Variants in ZFYVE9 observed in about 807,000 individuals in gnomAD.
The protein encoded by ZFYVE9 is zinc finger FYVE-type containing 9, also known as zinc finger FYVE domain-containing protein 9.
In ZFYVE9, 43 loss-of-function variants were observed where a neutral mutation model predicts 126.7. The ratio of observed to expected loss-of-function variants is 0.34; its 90% CI spans 0.27 to 0.44. The LOEUF (loss-of-function observed/expected upper bound fraction) is 0.44, where lower values mean the gene tolerates loss of function less well. Among genes scored for constraint, ZFYVE9 ranks in the 20% least tolerant of loss-of-function variants. The pLI is 1.00. For missense variants in ZFYVE9, 1,476 were observed against 1,697.0 expected, an observed-to-expected ratio of 0.87 and a Z score of 2.29; for synonymous variants, 521 against 597.4, an observed-to-expected ratio of 0.87 and a Z score of 1.87.
intron 1 of ZFYVE9, among the ~76,000 whole-genome samples, chr1:52,188,243 C>T (rs935610554): frequency 7.3e-6 from 1 of 137,040 alleles, no homozygotes; most frequent in African/African-American, 2.7e-5. Context: ...CCGTATACCA[C>T]GTGTTCTTAC....
At chr1:52,175,970 T>C (rs950634597) in intron 1 of ZFYVE9, among the ~76,000 whole-genome samples, 2 of 152,364 alleles carry the variant, frequency 1.3e-5, no homozygotes, top group Admixed American at 6.5e-5. Flanking sequence ...AGTAGTTTGA[T>C]CGTCTGAAGC....
chr1:52,276,363 G>A (rs1645748735), intron 8 of ZFYVE9, among the ~76,000 whole-genome samples: 1 of 152,048 alleles, frequency 6.6e-6, no homozygotes, highest in Non-Finnish European at 1.5e-5. Context: ...TTCTTGTGCT[G>A]TGGAATAATG....
Position 52,295,960 on chromosome 1 carries a change from A to G in ZFYVE9, c.3316A>G (p.Ile1106Val), listed in dbSNP as rs150653407. ...KPLFGETGHT[I>V]MNLLADFRNY... is the part of the protein sequence containing the mutation. ...ATTGTTTGGAGAGACGGGGCATACC[A>G]TCATGAATCTTCTTGCAGTAAGTTG... The change falls in exon 12 of 19, where the codon ATC (isoleucine) becomes GTC (valine). Residue 1106 changes from isoleucine (I) to valine (V), a missense_variant. Around this residue, in one of 2 missense-constraint regions of ZFYVE9, gnomAD observed 669 missense variants for 902.4 expected, o/e 0.74. Coordinates refer to ENST00000287727, the MANE Select transcript of ZFYVE9 (RefSeq NM_004799.4). The G allele has an allele frequency of 3.7e-5, 59 of 1,613,532 alleles. No individual in the cohort carries two copies. In the African/African-American group the frequency reaches 7.1e-4, roughly 19 times the overall value.
chr1:52,293,372 G>A (rs768661067), intron 10 of ZFYVE9, 81 bp from the exon 11 acceptor site: 264 of 1,005,772 alleles, frequency 2.6e-4, no homozygotes, highest in Non-Finnish European at 3.0e-4. Context: ...GCCAGACTCC[G>A]TCTCAAAAAA....
Position 52,142,142 on chromosome 1 carries a change from C to T in ZFYVE9, c.-404C>T, listed in dbSNP as rs1024688080. On this transcript the variant is annotated 5_prime_UTR_variant, in exon 1 of 19. Coordinates refer to ENST00000287727, the MANE Select transcript of ZFYVE9 (RefSeq NM_004799.4). This position sits in a 1 kb window ranked among gnomAD's most constrained non-coding sequence, Gnocchi z 4.5. Reference sequence around the variant, plus strand: ...CCCCGCCTGCCGCACCTCGGTCGTCCCGCCGCAGCCTTGCGCCCCCGGCCC... The same window carrying T: ...CCCCGCCTGCCGCACCTCGGTCGTCTCGCCGCAGCCTTGCGCCCCCGGCCC... The T allele has an allele frequency of 1.3e-5, 2 of 151,452 alleles. No homozygotes were observed. The highest frequency in any genetic ancestry group is 3.9e-4 in the East Asian group (2 of 5,162). The allele number at this position is 151,452 out of a possible 1,614,324, so 9.4% of individuals were successfully genotyped here. A position where few individuals can be genotyped will look rare whatever the true frequency, so the allele number is the denominator to read the frequency against.
chr1:52,333,266 C>G (rs1646359623), intron 14 of ZFYVE9, among the ~76,000 whole-genome samples: 1 of 150,214 alleles, frequency 6.7e-6, no homozygotes, highest in Non-Finnish European at 1.5e-5. Context: ...GCACATGTAC[C>G]CTAGAACTTA....
chr1:52,158,474 C>CA (rs1644423496), intron 1 of ZFYVE9, among the ~76,000 whole-genome samples: 1 of 152,198 alleles, frequency 6.6e-6, no homozygotes, highest in Admixed American at 6.5e-5. Flanking sequence ...CCTGAAGACT[C>CA]AGAGTTCAAA....
chr1:52,168,214 CTTTTTTTTT>C (rs139943554), intron 1 of ZFYVE9, among the ~76,000 whole-genome samples: 2 of 114,986 alleles, frequency 1.7e-5, no homozygotes, highest in Admixed American at 9.2e-5. Context: ...TCTTCGTCTT[CTTTTTTTTT>C]TTTTTTTTTT....
intron 1 of ZFYVE9, chr1:52,180,308 T>C (rs1644685494): frequency 6.3e-7 from 1 of 1,586,542 alleles, no homozygotes; most frequent in South Asian, 1.1e-5. Flanking sequence ...TACCCAGTTA[T>C]CCTGATAGGA....
At chr1:52,180,373 G>C in intron 1 of ZFYVE9, 1 of 1,540,498 alleles carries the variant, frequency 6.5e-7, no homozygotes, top group Non-Finnish European at 8.9e-7. Context: ...CAGTTTATTG[G>C]TCCTCTGGTG....
chr1:52,342,704 T>G (rs1373021853), intron 17 of ZFYVE9, among the ~76,000 whole-genome samples: 1 of 151,946 alleles, frequency 6.6e-6, no homozygotes, highest in Non-Finnish European at 1.5e-5. Context: ...CCCAGCTAAC[T>G]TTTGTATTTT....
rs567098309 is a variant in ZFYVE9, at chr1:52,327,375, G to A, written c.3439-5393G>A. On this transcript the variant is annotated intron_variant, in intron 13 of 18. Transcript: ENST00000287727. ...TCCTAGCACTTTGGGAGGCTGAGTC[G>A]GGCAGATCACAAGGTCAGGAGTTCG... Among the ~76,000 whole-genome samples, 6 of 152,006 alleles carry A rather than the reference G, an allele frequency of 3.9e-5. No homozygotes were observed. The East Asian group carries it at 7.8e-4, about 20-fold the overall frequency.
intron 1 of ZFYVE9, chr1:52,179,773 G>A (rs1644680013): frequency 1.1e-5 from 5 of 462,574 alleles, no homozygotes; most frequent in Non-Finnish European, 2.0e-5. Context: ...GAGTGTTCCT[G>A]TGGATAGGCT....
chr1:52,254,286 TTATATA>T (rs1011873321), intron 4 of ZFYVE9: 1 of 174,774 alleles, frequency 5.7e-6, no homozygotes, highest in Non-Finnish European at 1.2e-5. Context: ...ATTTGCAACT[TTATATA>T]TATTTAAAAA....
intron 4 of ZFYVE9, among the ~76,000 whole-genome samples, chr1:52,255,759 G>A (rs543458283): frequency 1.8e-3 from 266 of 151,968 alleles, no homozygotes; most frequent in Non-Finnish European, 3.0e-3. Context: ...TGGGTATTGC[G>A]GCGCGTACCT....
chr1:52,268,341 G>A, intron 6 of ZFYVE9, 122 bp from the exon 7 acceptor site: 1 of 965,724 alleles, frequency 1.0e-6, no homozygotes, highest in South Asian at 1.8e-5. Context: ...TGATGTTTCT[G>A]ATTGTAAGTT....
rs368539532 is a variant in ZFYVE9, at chr1:52,177,943, TG to T, written c.-143+35541del. Reference sequence around the variant, plus strand: ...CTTCATATACTATGAAAAGTAGTTTTGTTTTTTTTTTTTTTAGCAGGGCATG... The same window carrying T: ...CTTCATATACTATGAAAAGTAGTTTTTTTTTTTTTTTTTTAGCAGGGCATG... On this transcript the variant is annotated intron_variant, in intron 1 of 18. Transcript: ENST00000287727. Among the ~76,000 whole-genome samples, 230 of 145,644 alleles carry T rather than the reference TG, an allele frequency of 1.6e-3. 15 individuals carry two copies. Among genetic ancestry groups the T allele is most frequent in the Admixed American group, 2.0e-3 (29 of 14,538 alleles).
At chr1:52,319,740 C>T (rs1344143809) in intron 13 of ZFYVE9, among the ~76,000 whole-genome samples, 5 of 151,888 alleles carry the variant, frequency 3.3e-5, no homozygotes, top group Non-Finnish European at 5.9e-5. Flanking sequence ...AATAGCCAGG[C>T]GCAGTGGCTC....
At chr1:52,338,952 G>A (rs1646412372) in intron 16 of ZFYVE9, among the ~76,000 whole-genome samples, 1 of 152,196 alleles carries the variant, frequency 6.6e-6, no homozygotes, top group Non-Finnish European at 1.5e-5. Flanking sequence ...GGAGGTTTCG[G>A]TGAGCCGAGA....
Sources: allele counts gnomAD v4.1 joint callset (sites outside exome capture counted in the v4.1 genomes callset), GRCh38; gene constraint gnomAD v4.1.1; regional missense constraint gnomAD v4.1.1; non-coding constraint Gnocchi (gnomAD v3.1); transcripts MANE v1.5; gene names NCBI Gene and HGNC (gene_info 2026-07-23, HGNC 2026-07-21).